Variants in NPHS2 observed in about 807,000 individuals in gnomAD.
The protein encoded by NPHS2 is podocin.
A neutral mutation model predicts 37.1 loss-of-function variants in NPHS2; 36 were observed. The ratio of observed to expected loss-of-function variants is 0.97; its 90% CI spans 0.74 to 1.28. The LOEUF (loss-of-function observed/expected upper bound fraction) is 1.28, where lower values mean the gene tolerates loss of function less well. Ranked by LOEUF, NPHS2 falls within the 50% of genes most tolerant of loss-of-function variation. The pLI is 0.00. For missense variants in NPHS2, 447 were observed against 488.1 expected (o/e 0.92, Z 0.79); for synonymous variants, 196 against 189.3 (o/e 1.04, Z -0.29).
intron 6 of NPHS2, 102 bp downstream of exon 6, chr1:179,554,374 C>A: frequency 7.4e-7 from 1 of 1,356,632 alleles, no homozygotes; most frequent in Non-Finnish European, 1.1e-6. Context: ...GCTGATATGG[C>A]TATAGTACTC....
At chr1:179,570,607 T>A (rs1413313421) in intron 1 of NPHS2, among the ~76,000 whole-genome samples, 2 of 152,218 alleles carry the variant, frequency 1.3e-5, no homozygotes, top group African/African-American at 2.4e-5. Context: ...TTAGGGCCAT[T>A]ATGAACATGT....
intron 2 of NPHS2, among the ~76,000 whole-genome samples, chr1:179,562,914 C>T (rs1674198122): frequency 6.6e-6 from 1 of 152,164 alleles, no homozygotes; most frequent in East Asian, 1.9e-4. Context: ...CTTTTGTTTC[C>T]TCTCCCTAAT....
At position 179,550,862 on chromosome 1, in the gene NPHS2, T is replaced by G. The variant is rs926346402; in HGVS notation, c.*311A>C. On this transcript the variant is annotated 3_prime_UTR_variant, in exon 8 of 8. Transcript: ENST00000367615. ...GAGGACATACAGTGAAAGGGACATC[T>G]GAACCAAGTTCCCAGAAGTCAAAAT... 2.0e-5 allele frequency: 8 copies of G among 405,520 alleles called. No homozygotes were observed. Among genetic ancestry groups the G allele is most frequent in the African/African-American group, 1.6e-4 (8 of 48,834 alleles). The allele number at this position is 405,520 out of a possible 1,614,324, so 25.1% of individuals were successfully genotyped here.
intron 1 of NPHS2, among the ~76,000 whole-genome samples, chr1:179,568,131 C>T (rs1022903013): frequency 2.0e-5 from 3 of 152,146 alleles, no homozygotes; most frequent in Admixed American, 2.0e-4. Flanking sequence ...AGGAATGGTA[C>T]CAGCTCCTCT....
Position 179,550,870 on chromosome 1 carries a change from G to T in NPHS2, c.*303C>A, listed in dbSNP as rs1673149582. 2.4e-6 allele frequency: 1 copy of T among 417,330 alleles called. No homozygotes were observed. Among genetic ancestry groups the T allele is most frequent in the Admixed American group, 3.5e-5 (1 of 28,222 alleles). The allele number at this position is 417,330 out of a possible 1,614,324, so 25.9% of individuals were successfully genotyped here. ...ACAGTGAAAGGGACATCTGAACCAA[G>T]TTCCCAGAAGTCAAAATTTAACCAC... On this transcript the variant is annotated 3_prime_UTR_variant, in exon 8 of 8. Transcript: ENST00000367615.
chr1:179,555,812 A>G (rs981290506), intron 5 of NPHS2, among the ~76,000 whole-genome samples: 2 of 152,094 alleles, frequency 1.3e-5, no homozygotes, highest in Non-Finnish European at 2.9e-5. Context: ...TAGTTGGGTC[A>G]TTTATTTATT....
At chr1:179,558,717 C>T (rs1407633353) in intron 4 of NPHS2, among the ~76,000 whole-genome samples, 1 of 152,084 alleles carries the variant, frequency 6.6e-6, no homozygotes, top group Non-Finnish European at 1.5e-5. Flanking sequence ...CACGAGGGTT[C>T]CAATTTGTCT....
Position 179,552,662 on chromosome 1 carries a change from C to G in NPHS2, c.814G>C (p.Ala272Pro). The change falls in exon 7 of 8, where the codon GCT (alanine) becomes CCT (proline). Residue 272 changes from alanine (A) to proline (P), a missense_variant. Coordinates refer to ENST00000367615, the MANE Select transcript of NPHS2 (RefSeq NM_014625.4). ...ACAGCCAGTGAGTGCTGAAGCCCAG[C>G]TGGCAACCTCACATCTTTACTGAAA... ...RIEIKDVRLP[A>P]GLQHSLAVEA... The G allele has an allele frequency of 6.2e-7, 1 of 1,613,912 alleles. No homozygotes were observed. The highest frequency in any genetic ancestry group is 1.1e-5 in the South Asian group (1 of 91,048).
intron 1 of NPHS2, 121 bp from the exon 2 acceptor site, chr1:179,564,914 A>G: frequency 1.2e-6 from 1 of 810,834 alleles, no homozygotes; most frequent in Non-Finnish European, 2.1e-6. Context: ...TGCTGGAAAT[A>G]TTAGAATAAG....
At chr1:179,552,839 A>T (rs1218170839) in intron 6 of NPHS2, 158 bp from the exon 7 acceptor site, 6 of 685,610 alleles carry the variant, frequency 8.8e-6, no homozygotes, top group Non-Finnish European at 1.6e-5. Flanking sequence ...GGTCAAAAGT[A>T]GGCAGATCTC....
In NPHS2 at chr1:179,555,497, A is replaced by G. The variant is rs868101; in HGVS notation, c.739-966T>C. ...TGTTGACCCAAACTCTTCTTTTTAC[A>G]CTTCTTTTCTCATTATTTTTTAGTG... On this transcript the variant is annotated intron_variant, in intron 5 of 7. Transcript: ENST00000367615. 5.3e-3 allele frequency among the ~76,000 whole-genome samples: 801 copies of G among 152,270 alleles called. 6 individuals carry two copies. The highest frequency in any genetic ancestry group is 0.019 in the African/African-American group (770 of 41,548).
intron 1 of NPHS2, among the ~76,000 whole-genome samples, chr1:179,569,124 T>C (rs894900369): frequency 3.9e-5 from 6 of 152,204 alleles, no homozygotes; most frequent in Admixed American, 2.0e-4. Context: ...TTCTGTGTCA[T>C]TGATCTGTCT....
At chr1:179,567,984 T>C (rs1295346444) in intron 1 of NPHS2, among the ~76,000 whole-genome samples, 4 of 152,218 alleles carry the variant, frequency 2.6e-5, no homozygotes, top group Admixed American at 1.3e-4. Context: ...TTTGCATCGA[T>C]GTTCATCAGG....
At chr1:179,564,263 T>C (rs1242125487) in intron 2 of NPHS2, among the ~76,000 whole-genome samples, 1 of 152,200 alleles carries the variant, frequency 6.6e-6, no homozygotes. Context: ...AGGTCTTCAT[T>C]TACTTCAGGG....
intron 1 of NPHS2, among the ~76,000 whole-genome samples, chr1:179,571,679 G>A (rs541249719): frequency 1.1e-3 from 161 of 152,368 alleles, no homozygotes; most frequent in Non-Finnish European, 2.0e-3. Flanking sequence ...TCACAGAGGT[G>A]GAGTCTAGAG....
chr1:179,559,778 G>T lies in NPHS2; in HGVS notation c.452-17C>A. 6.5e-7 allele frequency: 1 copy of T among 1,528,940 alleles called. No individual in the cohort carries two copies. The highest frequency in any genetic ancestry group is 8.9e-7 in the Non-Finnish European group (1 of 1,119,848). 94.7% of individuals were successfully genotyped at this position (1,528,940 alleles called of 1,614,324 possible). A position where few individuals can be genotyped will look rare whatever the true frequency, so the allele number is the denominator to read the frequency against. On this transcript the variant is annotated splice_polypyrimidine_tract_variant and intron_variant, in intron 3 of 7. Transcript: ENST00000367615. ...AGAAAAGACCTAAAAGAGAGGAGGAGGAAGTGACAGATAAATAGCTAGCAT... is the reference window on the plus strand; with the variant it reads ...AGAAAAGACCTAAAAGAGAGGAGGATGAAGTGACAGATAAATAGCTAGCAT...
intron 1 of NPHS2, among the ~76,000 whole-genome samples, chr1:179,567,804 T>C (rs1179425693): frequency 1.3e-5 from 2 of 152,244 alleles, no homozygotes; most frequent in African/African-American, 4.8e-5. Flanking sequence ...AAAGGCCTTT[T>C]CTGCATCTAT....
chr1:179,558,361 C>T lies in NPHS2; in HGVS notation c.535-1131G>A, dbSNP rs1385123145. Among the ~76,000 whole-genome samples the T allele has an allele frequency of 3.3e-5, 5 of 152,258 alleles. No homozygotes were observed. The East Asian group carries it at 9.6e-4, about 29-fold the overall frequency. On this transcript the variant is annotated intron_variant, in intron 4 of 7. Transcript: ENST00000367615. Reference sequence around the variant, plus strand: ...GTGTGTGTGTGTGATTGGCTTATTTCAGTCAGCATAATGTCCTCAAGGTTC... The same window carrying T: ...GTGTGTGTGTGTGATTGGCTTATTTTAGTCAGCATAATGTCCTCAAGGTTC...
At chr1:179,567,919 C>T (rs1674397846) in intron 1 of NPHS2, among the ~76,000 whole-genome samples, 1 of 152,114 alleles carries the variant, frequency 6.6e-6, no homozygotes, top group Admixed American at 6.5e-5. Flanking sequence ...ATGAAGCCAA[C>T]TTGATCGTGG....
Sources: allele counts gnomAD v4.1 joint callset (sites outside exome capture counted in the v4.1 genomes callset), GRCh38; gene constraint gnomAD v4.1.1; transcripts MANE v1.5; gene names NCBI Gene and HGNC (gene_info 2026-07-23, HGNC 2026-07-21).